MAPK4: variants seen among roughly 807,000 people sequenced by gnomAD.
MAPK4 encodes mitogen-activated protein kinase 4, also known as Erk3-related.
Under a neutral mutation model 47.7 loss-of-function variants are expected in MAPK4, and 22 were observed. The observed-to-expected ratio is 0.46, with a 90% CI of 0.33 to 0.66. The LOEUF (loss-of-function observed/expected upper bound fraction) is 0.66. MAPK4 is among the 30% of genes least tolerant of loss of function. The pLI, the probability that MAPK4 is intolerant of heterozygous loss-of-function variation, is 0.02. For missense variants in MAPK4, 736 were observed against 831.7 expected (o/e 0.88, Z 1.42); for synonymous variants, 390 against 365.7 (o/e 1.07, Z -0.76).
At position 50,729,331 on chromosome 18, in the gene MAPK4, C is replaced by G; in HGVS notation, c.1241C>G (p.Ser414Trp). The G allele has an allele frequency of 6.3e-7, 1 of 1,595,350 alleles. No homozygotes were observed. Among genetic ancestry groups the G allele is most frequent in the Non-Finnish European group, 8.5e-7 (1 of 1,170,552 alleles). Residue 414 changes from serine (S) to tryptophan (W), a missense_variant, in exon 6 of 6, where the codon TCG becomes TGG. Physicochemically the swap from Ser to Trp is radical, Grantham distance 177. Coordinates refer to ENST00000400384, the MANE Select transcript of MAPK4 (RefSeq NM_002747.4). ...GAGCGCTTCCTAGAGCAGTCGCACT[C>G]GTCCATGGAGCGCGCCTTCGAGGCC... ...SSERFLEQSH[S>W]SMERAFEADY... is the part of the protein sequence containing the mutation.
intron 1 of MAPK4, among the ~76,000 whole-genome samples, chr18:50,660,862 G>A (rs980622334): frequency 3.3e-5 from 5 of 152,192 alleles, no homozygotes; most frequent in Admixed American, 2.6e-4. Flanking sequence ...GGCTTGCCAC[G>A]TTGACATCGT....
chr18:50,646,419 C>T (rs2042989788), intron 1 of MAPK4, among the ~76,000 whole-genome samples: 1 of 152,214 alleles, frequency 6.6e-6, no homozygotes, highest in African/African-American at 2.4e-5. Context: ...TATTCTGTCC[C>T]TGGGTCCTCT....
At chr18:50,623,533 C>T (rs572784035) in intron 1 of MAPK4, among the ~76,000 whole-genome samples, 6 of 152,286 alleles carry the variant, frequency 3.9e-5, no homozygotes, top group African/African-American at 4.8e-5. Flanking sequence ...GAATGCATCT[C>T]GCATCCCTCT....
chr18:50,658,705 T>C (rs950931248), intron 1 of MAPK4, among the ~76,000 whole-genome samples: 2 of 152,196 alleles, frequency 1.3e-5, no homozygotes, highest in Non-Finnish European at 2.9e-5. Flanking sequence ...AGGTAGCTTT[T>C]GGAGAGCTGG....
intron 1 of MAPK4, among the ~76,000 whole-genome samples, chr18:50,597,560 C>T (rs2042493370): frequency 6.6e-6 from 1 of 152,210 alleles, no homozygotes; most frequent in African/African-American, 2.4e-5. Flanking sequence ...TAGACCTTTA[C>T]AGTGATCTAC....
At chr18:50,651,783 G>A (rs1390454149) in intron 1 of MAPK4, among the ~76,000 whole-genome samples, 1 of 152,236 alleles carries the variant, frequency 6.6e-6, no homozygotes, top group Non-Finnish European at 1.5e-5. Flanking sequence ...TGTCCTGGAA[G>A]AGGAGATAGA....
intron 2 of MAPK4, among the ~76,000 whole-genome samples, chr18:50,697,171 G>A (rs1909558328): frequency 6.6e-6 from 1 of 152,192 alleles, no homozygotes; most frequent in Non-Finnish European, 1.5e-5. Flanking sequence ...AATTGCTGAT[G>A]TAGAGCATAG....
chr18:50,571,322 A>G (rs1240298250), intron 1 of MAPK4, among the ~76,000 whole-genome samples: 2 of 152,244 alleles, frequency 1.3e-5, no homozygotes, highest in Non-Finnish European at 2.9e-5. Context: ...TAAAAGAACA[A>G]ATCTGTAACC....
intron 2 of MAPK4, among the ~76,000 whole-genome samples, chr18:50,667,499 C>A (rs1214256198): frequency 1.3e-5 from 2 of 152,174 alleles, no homozygotes; most frequent in Non-Finnish European, 2.9e-5. Context: ...CATGCATCTG[C>A]TCTCTCCAGT....
intron 1 of MAPK4, among the ~76,000 whole-genome samples, chr18:50,599,857 A>G (rs2042519713): frequency 1.3e-5 from 2 of 152,240 alleles, no homozygotes; most frequent in Admixed American, 1.3e-4. Flanking sequence ...AGGAGTATCT[A>G]AGTCATTTAT....
chr18:50,571,852 G>C (rs1487309199), intron 1 of MAPK4, among the ~76,000 whole-genome samples: 2 of 152,186 alleles, frequency 1.3e-5, no homozygotes, highest in Non-Finnish European at 2.9e-5. Context: ...ATCACCTTCA[G>C]TATGCGGTGG....
chr18:50,704,122 C>T (rs1909926563), intron 2 of MAPK4, among the ~76,000 whole-genome samples: 1 of 152,182 alleles, frequency 6.6e-6, no homozygotes, highest in African/African-American at 2.4e-5. Context: ...ATTCCATTCC[C>T]TCCCACGCCA....
At chr18:50,580,325 A>G (rs553549178) in intron 1 of MAPK4, among the ~76,000 whole-genome samples, 2 of 152,328 alleles carry the variant, frequency 1.3e-5, no homozygotes, top group East Asian at 3.9e-4. Flanking sequence ...AGATGTGGGA[A>G]TGGGCTGCAG....
intron 2 of MAPK4, among the ~76,000 whole-genome samples, chr18:50,706,758 A>T (rs1041668101): frequency 4.6e-5 from 7 of 152,164 alleles, no homozygotes; most frequent in African/African-American, 1.7e-4. Flanking sequence ...GCAAAATCAG[A>T]TAAGGAAACT....
At chr18:50,611,825 T>G (rs1284092118) in intron 1 of MAPK4, among the ~76,000 whole-genome samples, 1 of 152,216 alleles carries the variant, frequency 6.6e-6, no homozygotes, top group Non-Finnish European at 1.5e-5. Context: ...CTGGATTCTT[T>G]GAGATGATCA....
intron 1 of MAPK4, among the ~76,000 whole-genome samples, chr18:50,571,160 G>A (rs1418794748): frequency 5.9e-5 from 9 of 152,204 alleles, no homozygotes; most frequent in South Asian, 2.1e-4. Context: ...GGAGACCACC[G>A]TATACCATGG....
chr18:50,587,386 C>T (rs575283466), intron 1 of MAPK4, among the ~76,000 whole-genome samples: 23 of 152,294 alleles, frequency 1.5e-4, no homozygotes, highest in African/African-American at 5.5e-4. Flanking sequence ...ACCTCCCAGC[C>T]TCCAAAACGG....
intron 1 of MAPK4, among the ~76,000 whole-genome samples, chr18:50,629,084 G>A (rs751587633): frequency 6.6e-6 from 1 of 152,182 alleles, no homozygotes; most frequent in African/African-American, 2.4e-5. Flanking sequence ...GCTTGACTTC[G>A]TTCTTTCTGC....
At chr18:50,717,517 A>T (rs1910705363) in intron 3 of MAPK4, among the ~76,000 whole-genome samples, 3 of 151,938 alleles carry the variant, frequency 2.0e-5, no homozygotes. Context: ...GGATAGCCTT[A>T]CCCCAGCCCC....
Sources: gnomAD v4.1 joint callset for allele counts (sites outside exome capture counted in the v4.1 genomes callset) on GRCh38, gnomAD v4.1.1 for gene constraint, MANE v1.5 for transcripts, NCBI Gene and HGNC (gene_info 2026-07-23, HGNC 2026-07-21) for gene names.